Variants in COL5A2 observed in about 807,000 individuals in gnomAD.
COL5A2 encodes collagen alpha-2(V) chain.
Under a neutral mutation model 208.2 loss-of-function variants are expected in COL5A2, and 23 were observed. The ratio of observed to expected loss-of-function variants is 0.11; its 90% CI spans 0.08 to 0.16. The LOEUF (loss-of-function observed/expected upper bound fraction) is 0.16. COL5A2 is among the 10% of genes least tolerant of loss of function. COL5A2 has a pLI of 1.00. For synonymous variants in COL5A2, 625 were observed against 628.5 expected (o/e 0.99, Z 0.08); for missense variants, 1,590 against 1,956.4 (o/e 0.81, Z 3.53).
intron 1 of COL5A2, among the ~76,000 whole-genome samples, chr2:189,199,147 C>G (rs941139708): frequency 6.6e-6 from 1 of 152,060 alleles, no homozygotes; most frequent in African/African-American, 2.4e-5. Flanking sequence ...CTTTTTGAAA[C>G]TTTTTGTGAG....
At chr2:189,294,337 C>T in the COL5A2 span, among the ~76,000 whole-genome samples, 2 of 152,130 alleles carry the variant, frequency 1.3e-5, no homozygotes, top group African/African-American at 2.4e-5. Context: ...TTTATATAGC[C>T]TGTGTCAGCT....
chr2:189,058,948 A>G, intron 31 of COL5A2, 55 bp from the exon 32 acceptor site: 1 of 1,509,822 alleles, frequency 6.6e-7, no homozygotes, highest in Non-Finnish European at 9.2e-7. Flanking sequence ...TTAGGCATTT[A>G]TCAGAAAACT....
intron 3 of COL5A2, among the ~76,000 whole-genome samples, chr2:189,102,305 T>TTAG (rs1003428941): frequency 6.6e-6 from 1 of 152,116 alleles, no homozygotes; most frequent in African/African-American, 2.4e-5. Flanking sequence ...ATACCTGTCT[T>TTAG]ACCTAAATTG....
At chr2:189,420,979 G>A in the COL5A2 span, among the ~76,000 whole-genome samples, 1 of 151,964 alleles carries the variant, frequency 6.6e-6, no homozygotes, top group Non-Finnish European at 1.5e-5. Context: ...GAAATATTCT[G>A]ATTAAAATAA....
intron 23 of COL5A2, among the ~76,000 whole-genome samples, chr2:189,065,368 A>G (rs1035931602): frequency 6.6e-6 from 1 of 152,150 alleles, no homozygotes; most frequent in African/African-American, 2.4e-5. Context: ...TGTCTCTACT[A>G]AAAATACAAA....
chr2:189,385,329 A>G, the COL5A2 span, among the ~76,000 whole-genome samples: 21,553 of 152,104 alleles, frequency 0.14, 1,951 homozygotes, highest in South Asian at 0.2. Context: ...TTATACACCA[A>G]TAACATTCTA....
intron 1 of COL5A2, among the ~76,000 whole-genome samples, chr2:189,113,836 T>A (rs978542058): frequency 6.6e-6 from 1 of 151,808 alleles, no homozygotes; most frequent in African/African-American, 2.4e-5. Context: ...CACGTAATGA[T>A]GTCAATTAAA....
At chr2:189,271,400 A>C in the COL5A2 span, among the ~76,000 whole-genome samples, 1 of 152,178 alleles carries the variant, frequency 6.6e-6, no homozygotes, top group Non-Finnish European at 1.5e-5. Flanking sequence ...AAAAACAAGC[A>C]ATGGGGAAAG....
intron 43 of COL5A2, among the ~76,000 whole-genome samples, chr2:189,050,349 C>T (rs531490519): frequency 1.2e-4 from 19 of 152,296 alleles, no homozygotes; most frequent in Admixed American, 5.2e-4. Flanking sequence ...TATTTGCCTA[C>T]TTTTCTAGTC....
At chr2:189,210,672 G>C (rs2105867412) in intron 1 of COL5A2, among the ~76,000 whole-genome samples, 1 of 152,332 alleles carries the variant, frequency 6.6e-6, no homozygotes, top group East Asian at 1.9e-4. Context: ...AACACTAAAA[G>C]AAGGTCATCT....
At chr2:189,431,115 G>A in the COL5A2 span, among the ~76,000 whole-genome samples, 1 of 152,144 alleles carries the variant, frequency 6.6e-6, no homozygotes, top group Non-Finnish European at 1.5e-5. Context: ...CTATTAGAAG[G>A]AAAACTAACA....
At chr2:189,263,099 G>A in the COL5A2 span, among the ~76,000 whole-genome samples, 2 of 151,960 alleles carry the variant, frequency 1.3e-5, no homozygotes, top group Non-Finnish European at 2.9e-5. Context: ...CAGGACATAG[G>A]AGAATTCTTC....
chr2:189,353,721 A>T, the COL5A2 span, among the ~76,000 whole-genome samples: 3 of 152,214 alleles, frequency 2.0e-5, no homozygotes, highest in Non-Finnish European at 2.9e-5. Flanking sequence ...ATATACAATC[A>T]TGTCATCTGC....
At chr2:189,040,507 C>G (rs1052229448) in intron 50 of COL5A2, among the ~76,000 whole-genome samples, 1 of 152,056 alleles carries the variant, frequency 6.6e-6, no homozygotes, top group East Asian at 1.9e-4. Context: ...ACACATAGTC[C>G]ACATCTCATG....
intron 1 of COL5A2, among the ~76,000 whole-genome samples, chr2:189,223,567 C>A (rs1463586120): frequency 5.9e-5 from 9 of 152,120 alleles, no homozygotes; most frequent in African/African-American, 2.2e-4. Context: ...CCAGCAACCG[C>A]CCACGTGTGT....
intron 1 of COL5A2, among the ~76,000 whole-genome samples, chr2:189,218,340 G>C (rs765853173): frequency 2.0e-5 from 3 of 152,140 alleles, no homozygotes; most frequent in Non-Finnish European, 2.9e-5. Context: ...TATAGGAAGA[G>C]AAGTGAACAC....
intron 31 of COL5A2, among the ~76,000 whole-genome samples, chr2:189,059,144 A>G (rs532789222): frequency 1.3e-5 from 2 of 152,324 alleles, no homozygotes; most frequent in South Asian, 2.1e-4. Context: ...GAGAACATGC[A>G]AAGTACTATT....
chr2:189,263,243 C>T, the COL5A2 span, among the ~76,000 whole-genome samples: 2 of 152,068 alleles, frequency 1.3e-5, no homozygotes, highest in Admixed American at 6.6e-5. Flanking sequence ...CACCACCAAC[C>T]TTGAGAACCA....
At chr2:189,195,460 A>G (rs1282108523) in intron 1 of COL5A2, among the ~76,000 whole-genome samples, 2 of 152,186 alleles carry the variant, frequency 1.3e-5, no homozygotes, top group Non-Finnish European at 2.9e-5. Context: ...TTAGAAAAAA[A>G]TTACTTTAAA....
Sources: allele counts gnomAD v4.1 joint callset (sites outside exome capture counted in the v4.1 genomes callset), GRCh38; gene constraint gnomAD v4.1.1; transcripts MANE v1.5; gene names NCBI Gene and HGNC (gene_info 2026-07-23, HGNC 2026-07-21).